Variants in ADARB2 observed in about 807,000 individuals in gnomAD.
ADARB2 encodes inactive double-stranded RNA-specific editase B2.
A neutral mutation model predicts 62.2 loss-of-function variants in ADARB2; 25 were observed. The observed-to-expected ratio is 0.40, with a 90% CI of 0.29 to 0.56. The LOEUF (loss-of-function observed/expected upper bound fraction) is 0.56. Among genes scored for constraint, ADARB2 ranks in the 20% least tolerant of loss-of-function variants. ADARB2 has a pLI of 0.43. For missense variants in ADARB2, 1,071 were observed against 1,077.4 expected (o/e 0.99, Z 0.08); for synonymous variants, 572 against 500.8 (o/e 1.14, Z -1.90).
chr10:1,354,456 C>T lies in ADARB2; in HGVS notation c.1077+8572G>A, dbSNP rs144660443. 6.5e-3 allele frequency among the ~76,000 whole-genome samples: 983 copies of T among 152,250 alleles called. 15 individuals carry two copies. Among genetic ancestry groups the T allele is most frequent in the African/African-American group, 0.022 (923 of 41,532 alleles). ...AAATCCTATAAAACGGCCCCACCCC[C>T]ATCTCCCTTCGCTGATTCTCTTTTT... is the stretch of plus-strand genomic sequence containing the variant. On this transcript the variant is annotated intron_variant, in intron 3 of 9. Transcript: ENST00000381312.
chr10:1,328,996 TAAAAAAA>T (rs376461606), intron 3 of ADARB2, among the ~76,000 whole-genome samples: 11 of 75,680 alleles, frequency 1.5e-4, no homozygotes, highest in African/African-American at 6.4e-4. Context: ...GACCCTGTCT[TAAAAAAA>T]AAAAAAAAAA....
chr10:1,330,692 C>T (rs911379692), intron 3 of ADARB2, among the ~76,000 whole-genome samples: 3 of 152,022 alleles, frequency 2.0e-5, no homozygotes, highest in Admixed American at 6.5e-5. Context: ...CTTTAGGCAA[C>T]GATTCATTAG....
chr10:1,298,483 G>A (rs926907844), intron 3 of ADARB2, among the ~76,000 whole-genome samples: 4 of 152,102 alleles, frequency 2.6e-5, no homozygotes, highest in Admixed American at 6.6e-5. Flanking sequence ...ATGCTATTGC[G>A]CTTAAAACCT....
chr10:1,361,660 A>T (rs1832256604), intron 3 of ADARB2: 2 of 152,200 alleles, frequency 1.3e-5, no homozygotes. Flanking sequence ...ATTCAAGATG[A>T]GGGCTCTGCC....
chr10:1,274,573 C>G (rs546968545), intron 3 of ADARB2, among the ~76,000 whole-genome samples: 1 of 152,248 alleles, frequency 6.6e-6, no homozygotes, highest in East Asian at 1.9e-4. Context: ...CACAGGACAT[C>G]AGGATGGTCT....
chr10:1,658,278 GTCTC>G (rs756266989), intron 1 of ADARB2, among the ~76,000 whole-genome samples: 183 of 147,760 alleles, frequency 1.2e-3, no homozygotes, highest in African/African-American at 3.6e-3. Context: ...GTTTTTCTCT[GTCTC>G]TCTCTCTATG....
In ADARB2 at chr10:1,737,057, G is replaced by T. The variant is rs570814305; in HGVS notation, c.94C>A (p.Arg32=). The T allele has an allele frequency of 1.9e-6, 3 of 1,611,146 alleles. No individual in the cohort carries two copies. The highest frequency in any genetic ancestry group is 2.2e-5 in the East Asian group (1 of 44,856). ...SKRRRRRRSK[R]KDKVSILSTF... ...CGCGCCACGCGGTCCTTACCTTTCC[G>T]CTTGGACCTCCGCCTCCTCCTCCTC... The change falls in exon 1 of 10, where the codon CGG becomes AGG. Residue 32 remains arginine (R), a synonymous_variant. Transcript: ENST00000381312.
In ADARB2 at chr10:1,705,072, TAAAG is replaced by T. The variant is rs776645397; in HGVS notation, c.100+31975_100+31978del. ...AAATCCCATAATTTCATTAAAAAAA[TAAAG>T]AAACAAATGTAGGTTGATTTTTAAA... On this transcript the variant is annotated intron_variant, in intron 1 of 9. Transcript: ENST00000381312. Among the ~76,000 whole-genome samples, 5 of 152,306 alleles carry T rather than the reference TAAAG, an allele frequency of 3.3e-5. No homozygotes were observed. In the East Asian group the frequency reaches 7.7e-4, roughly 24 times the overall value.
intron 1 of ADARB2, among the ~76,000 whole-genome samples, chr10:1,618,217 G>T (rs1018359573): frequency 1.3e-5 from 2 of 152,098 alleles, no homozygotes; most frequent in African/African-American, 4.8e-5. Flanking sequence ...GCTTGTTTAT[G>T]AACTTTTCTT....
intron 1 of ADARB2, among the ~76,000 whole-genome samples, chr10:1,544,986 A>G (rs184337611): frequency 1.1e-4 from 1 of 9,076 alleles, no homozygotes; most frequent in Admixed American, 1.4e-3. Flanking sequence ...CACACACACA[A>G]TGTCCCTTGC....
chr10:1,620,842 A>G (rs1055247682), intron 1 of ADARB2, among the ~76,000 whole-genome samples: 1 of 152,254 alleles, frequency 6.6e-6, no homozygotes, highest in African/African-American at 2.4e-5. Flanking sequence ...TACTATATTA[A>G]TCAAATAAAG....
intron 1 of ADARB2, among the ~76,000 whole-genome samples, chr10:1,440,480 T>C (rs1341963110): frequency 6.6e-6 from 1 of 152,064 alleles, no homozygotes; most frequent in Non-Finnish European, 1.5e-5. Flanking sequence ...AGAGATTGCT[T>C]TTTGGAGCCA....
intron 1 of ADARB2, among the ~76,000 whole-genome samples, chr10:1,555,449 A>G (rs994027560): frequency 2.0e-5 from 3 of 152,176 alleles, no homozygotes; most frequent in Non-Finnish European, 4.4e-5. Flanking sequence ...CATCCTTCGT[A>G]AGAGAAGTGG....
intron 1 of ADARB2, among the ~76,000 whole-genome samples, chr10:1,633,507 G>A (rs181872764): frequency 4.0e-4 from 56 of 138,684 alleles, no homozygotes; most frequent in African/African-American, 1.3e-3. Context: ...TCAGGTAAGG[G>A]ATACTCAATG....
chr10:1,229,546 T>C (rs1472661674), intron 6 of ADARB2, among the ~76,000 whole-genome samples: 1 of 152,244 alleles, frequency 6.6e-6, no homozygotes, highest in Non-Finnish European at 1.5e-5. Flanking sequence ...TCTGTGTTCC[T>C]TCATTTTTAA....
intron 3 of ADARB2, chr10:1,361,022 A>G (rs1832248079): frequency 6.6e-6 from 1 of 152,306 alleles, no homozygotes; most frequent in Non-Finnish European, 1.5e-5. Context: ...ATTCAACAGA[A>G]GAGTGGCAGG....
intron 1 of ADARB2, among the ~76,000 whole-genome samples, chr10:1,706,873 G>C (rs7905811): frequency 0.79 from 119,369 of 152,040 alleles, 48,095 homozygotes; most frequent in South Asian, 0.9. Context: ...AGGGACACCA[G>C]AGTGGTGAAC....
At chr10:1,725,825 C>T (rs1191006228) in intron 1 of ADARB2, among the ~76,000 whole-genome samples, 1 of 152,250 alleles carries the variant, frequency 6.6e-6, no homozygotes, top group African/African-American at 2.4e-5. Context: ...GGAATCAGCT[C>T]ATCCCGAACC....
chr10:1,370,303 C>T (rs981174525), intron 2 of ADARB2, among the ~76,000 whole-genome samples: 3 of 152,164 alleles, frequency 2.0e-5, no homozygotes, highest in African/African-American at 7.2e-5. Flanking sequence ...ACACATACCT[C>T]AAAATAATAA....
Sources: gnomAD v4.1 joint callset for allele counts (sites outside exome capture counted in the v4.1 genomes callset) on GRCh38, gnomAD v4.1.1 for gene constraint, MANE v1.5 for transcripts, NCBI Gene and HGNC (gene_info 2026-07-23, HGNC 2026-07-21) for gene names.